Variants in ANKRD17 observed in about 807,000 individuals in gnomAD.
ANKRD17 encodes ankyrin repeat domain-containing protein 17.
In ANKRD17, 19 loss-of-function variants were observed where a neutral mutation model predicts 229.7. That is an observed-to-expected ratio of 0.08 (90% CI 0.06 to 0.12). The LOEUF (loss-of-function observed/expected upper bound fraction) is 0.12, where lower values mean the gene tolerates loss of function less well. Ranked by LOEUF, ANKRD17 falls within the 10% of genes least tolerant of loss-of-function variation. ANKRD17 has a pLI of 1.00. For synonymous variants in ANKRD17, 1,112 were observed against 1,146.1 expected, an observed-to-expected ratio of 0.97 and a Z score of 0.60; for missense variants, 2,176 against 3,176.8, an observed-to-expected ratio of 0.68 and a Z score of 7.57.
rs1172421365 is a variant in ANKRD17, at chr4:73,146,838, T to C, written c.1795A>G (p.Thr599Ala). The change falls in exon 10 of 34, where the codon ACA becomes GCA. Residue 599 changes from threonine to alanine, a missense_variant. Thr to Ala is a moderately conservative substitution (Grantham distance 58). Around this residue, in one of 18 missense-constraint regions of ANKRD17, gnomAD observed 275 missense variants for 386.9 expected, o/e 0.71. Coordinates refer to ENST00000358602, the MANE Select transcript of ANKRD17 (RefSeq NM_032217.5). ...NVHATTATGD[T>A]ALTYACENGH... Reference sequence around the variant, plus strand: ...TTTTCACAGGCATATGTTAGTGCTGTATCCCCTGTTGCTGTTGTTGCATGA... The same window carrying C: ...TTTTCACAGGCATATGTTAGTGCTGCATCCCCTGTTGCTGTTGTTGCATGA... 6.2e-7 allele frequency: 1 copy of C among 1,612,828 alleles called. No individual in the cohort carries two copies. The highest frequency in any genetic ancestry group is 8.5e-7 in the Non-Finnish European group (1 of 1,179,266).
intron 1 of ANKRD17, among the ~76,000 whole-genome samples, chr4:73,243,723 A>G (rs962110104): frequency 6.6e-6 from 1 of 152,212 alleles, no homozygotes; most frequent in Admixed American, 6.5e-5. Context: ...CTACTTCTCC[A>G]CAAGTTTTAC....
chr4:73,082,754 G>A (rs758027574), intron 30 of ANKRD17, among the ~76,000 whole-genome samples: 4 of 152,134 alleles, frequency 2.6e-5, no homozygotes, highest in African/African-American at 7.2e-5. Context: ...GAAAGACTCA[G>A]AGAACAGTTC....
In ANKRD17 at chr4:73,258,583, G is replaced by T; in HGVS notation, c.86C>A (p.Pro29His). The change falls in exon 1 of 34, where the codon CCC becomes CAC. Residue 29 changes from proline (P) to histidine (H), a missense_variant. Physicochemically the swap from Pro to His is moderately conservative, Grantham distance 77 (BLOSUM62 -2). Coordinates refer to ENST00000358602, the MANE Select transcript of ANKRD17 (RefSeq NM_032217.5). ...GCCGCCGACCTCCGCCGCCGCGGGGGGGCCCGCCACAGCCGCCACCGCCGG... is the reference window on the plus strand; with the variant it reads ...GCCGCCGACCTCCGCCGCCGCGGGGTGGCCCGCCACAGCCGCCACCGCCGG... Reference protein sequence around the residue: ...SPPAVAAVAGPPAAAEVGGGV... With the variant: ...SPPAVAAVAGHPAAAEVGGGV... 6.8e-7 allele frequency: 1 copy of T among 1,466,798 alleles called. No individual in the cohort carries two copies. Among genetic ancestry groups the T allele is most frequent in the Non-Finnish European group, 8.9e-7 (1 of 1,120,912 alleles). 90.9% of individuals were successfully genotyped at this position (1,466,798 alleles called of 1,614,324 possible).
chr4:73,218,642 CAAAAA>C (rs919657671), intron 1 of ANKRD17, among the ~76,000 whole-genome samples: 2 of 59,676 alleles, frequency 3.4e-5, no homozygotes, highest in Admixed American at 1.6e-4. Context: ...GACTCTGTCT[CAAAAA>C]AAAAAAAAAA....
At chr4:73,145,500 G>C (rs1377881207) in intron 10 of ANKRD17, among the ~76,000 whole-genome samples, 2 of 152,056 alleles carry the variant, frequency 1.3e-5, no homozygotes, top group Admixed American at 6.5e-5. Flanking sequence ...ATAAAGATTT[G>C]AGAAAAAGTA....
At chr4:73,158,196 A>G (rs981103808) in intron 3 of ANKRD17, among the ~76,000 whole-genome samples, 41 of 139,942 alleles carry the variant, frequency 2.9e-4, no homozygotes, top group East Asian at 9.0e-4. Context: ...AAGAGAGAGA[A>G]AGAAAGAAAG....
rs777639462 is a variant in ANKRD17 at position 73,146,890 on chromosome 4, A to G, written c.1760-17T>C. ...CGTTAGCTCCTGTAGTAGTCAACAA[A>G]TAATACATAGACTTAATAAAGGAGC... On this transcript the variant is annotated splice_polypyrimidine_tract_variant and intron_variant, in intron 9 of 33. Transcript: ENST00000358602. 4 of 1,581,910 alleles carry G rather than the reference A, an allele frequency of 2.5e-6. No homozygotes were observed. The highest frequency in any genetic ancestry group is 1.1e-5 in the South Asian group (1 of 89,410).
At position 73,156,170 on chromosome 4, in the gene ANKRD17, T is replaced by C. The variant is rs746916235; in HGVS notation, c.705-4A>G. On this transcript the variant is annotated splice_polypyrimidine_tract_variant and splice_region_variant and intron_variant, in intron 3 of 33. Coordinates refer to ENST00000358602, the MANE Select transcript of ANKRD17 (RefSeq NM_032217.5). Reference sequence around the variant, plus strand: ...ACAGGCTTCTGCCAAACTGCGGCTATTACGGAAAGAATATCACAATACCAG... The same window carrying C: ...ACAGGCTTCTGCCAAACTGCGGCTACTACGGAAAGAATATCACAATACCAG... 3.2e-6 allele frequency: 5 copies of C among 1,586,960 alleles called. No homozygotes were observed. Among genetic ancestry groups the C allele is most frequent in the Non-Finnish European group, 3.4e-6 (4 of 1,172,654 alleles).
In ANKRD17 at chr4:73,091,414, C is replaced by A; in HGVS notation, c.6214G>T (p.Ala2072Ser). ...DCGSASPNKV[A>S]SSSEQEAGSP... ...CCTGCTTCCTGTTCGGAGGAAGATG[C>A]CACTTTATTTGGAGATGCTGATCCA... is the stretch of plus-strand genomic sequence containing the variant. Residue 2072 changes from alanine (A) to serine (S), a missense_variant, in exon 29 of 34, where the codon GCA (alanine) becomes TCA (serine). Coordinates refer to ENST00000358602, the MANE Select transcript of ANKRD17 (RefSeq NM_032217.5). 3 of 1,614,116 alleles carry A rather than the reference C, an allele frequency of 1.9e-6. No individual in the cohort carries two copies. The highest frequency in any genetic ancestry group is 2.5e-6 in the Non-Finnish European group (3 of 1,180,022).
chr4:73,204,972 A>G (rs1047492277), intron 1 of ANKRD17, among the ~76,000 whole-genome samples: 2 of 152,158 alleles, frequency 1.3e-5, no homozygotes, highest in Admixed American at 6.5e-5. Flanking sequence ...ACCAATCTTC[A>G]GCAAAAAGTA....
At chr4:73,142,571 A>T (rs1729747962) in intron 12 of ANKRD17, 69 bp downstream of exon 12, 2 of 1,610,060 alleles carry the variant, frequency 1.2e-6, no homozygotes, top group Admixed American at 3.4e-5. Flanking sequence ...CTTGTACATG[A>T]TATGTTGTAA....
chr4:73,154,113 C>A lies in ANKRD17; in HGVS notation c.1001G>T (p.Gly334Val). ...ACAAGCATATGTAAGTGCTGTATTG[C>A]CTATTTTAATTAGGAAAAATAAAAA... Reference protein sequence around the residue: ...KADVNAQSSTGNTALTYACAG... With the variant: ...KADVNAQSSTVNTALTYACAG... Residue 334 changes from glycine to valine, a missense_variant and splice_region_variant, in exon 6 of 34, where the codon GGC becomes GTC. Gly to Val is a moderately radical substitution (Grantham distance 109). Transcript: ENST00000358602. 3.3e-6 allele frequency: 5 copies of A among 1,535,778 alleles called. No individual in the cohort carries two copies. The highest frequency in any genetic ancestry group is 2.2e-5 in the Admixed American group (1 of 45,168).
At chr4:73,088,414 A>C (rs2110143258) in intron 29 of ANKRD17, among the ~76,000 whole-genome samples, 1 of 152,302 alleles carries the variant, frequency 6.6e-6, no homozygotes, top group East Asian at 1.9e-4. Context: ...ACACTCCCTA[A>C]AAACCTCACC....
At chr4:73,105,035 A>C (rs191331003) in intron 24 of ANKRD17, among the ~76,000 whole-genome samples, 2 of 152,300 alleles carry the variant, frequency 1.3e-5, no homozygotes, top group African/African-American at 4.8e-5. Context: ...TGAAGTTTTA[A>C]AGCCGGCGTT....
intron 28 of ANKRD17, among the ~76,000 whole-genome samples, chr4:73,093,805 G>A (rs1723025818): frequency 6.6e-6 from 1 of 152,148 alleles, no homozygotes; most frequent in East Asian, 1.9e-4. Flanking sequence ...TTTTAAGAAT[G>A]TCATATAAAC....
intron 2 of ANKRD17, among the ~76,000 whole-genome samples, chr4:73,163,383 G>C (rs1054813844): frequency 1.3e-5 from 2 of 152,198 alleles, no homozygotes; most frequent in African/African-American, 4.8e-5. Context: ...TCGCTTGGGA[G>C]CTTGTCAGAA....
At chr4:73,198,682 A>T (rs143814924) in intron 1 of ANKRD17, among the ~76,000 whole-genome samples, 1 of 152,338 alleles carries the variant, frequency 6.6e-6, no homozygotes, top group African/African-American at 2.4e-5. Flanking sequence ...TACTCTTACT[A>T]TACTACAGCT....
intron 1 of ANKRD17, among the ~76,000 whole-genome samples, chr4:73,237,997 T>C (rs908886122): frequency 2.6e-5 from 4 of 151,774 alleles, no homozygotes; most frequent in South Asian, 2.1e-4. Flanking sequence ...AATGTACAAT[T>C]AGAACTGAAA....
chr4:73,220,824 A>G (rs1741751322), intron 1 of ANKRD17, among the ~76,000 whole-genome samples: 1 of 152,188 alleles, frequency 6.6e-6, no homozygotes, highest in South Asian at 2.1e-4. Flanking sequence ...AATATTAAGT[A>G]CAATAATAAA....
Sources: allele counts gnomAD v4.1 joint callset (sites outside exome capture counted in the v4.1 genomes callset), GRCh38; gene constraint gnomAD v4.1.1; regional missense constraint gnomAD v4.1.1; transcripts MANE v1.5; gene names NCBI Gene and HGNC (gene_info 2026-07-23, HGNC 2026-07-21).